Variants in DNAJB11 observed in about 807,000 individuals in gnomAD.
The protein encoded by DNAJB11 is DnaJ heat shock protein family (Hsp40) member B11, also known as dnaJ homolog subfamily B member 11.
A neutral mutation model predicts 47.2 loss-of-function variants in DNAJB11; 30 were observed. The observed-to-expected ratio is 0.64, with a 90% CI of 0.48 to 0.86. The LOEUF is 0.86. DNAJB11 is among the 40% of genes least tolerant of loss of function. DNAJB11 has a pLI of 0.00. For synonymous variants in DNAJB11, 151 were observed against 159.9 expected, an observed-to-expected ratio of 0.94 and a Z score of 0.42; for missense variants, 357 against 440.2, an observed-to-expected ratio of 0.81 and a Z score of 1.69.
At chr3:186,579,146 A>G (rs1421318144) in intron 4 of DNAJB11, 1 of 152,386 alleles carries the variant, frequency 6.6e-6, no homozygotes, top group East Asian at 1.9e-4. Context: ...ATTTTCTGCT[A>G]AAACTCTGGG....
chr3:186,570,973 A>G lies in DNAJB11; in HGVS notation c.68+8A>G. 1 of 1,455,010 alleles carries G rather than the reference A, an allele frequency of 6.9e-7. No individual in the cohort carries two copies. Among genetic ancestry groups the G allele is most frequent in the Non-Finnish European group, 9.2e-7 (1 of 1,083,006 alleles). 90.1% of individuals were successfully genotyped at this position (1,455,010 alleles called of 1,614,324 possible). On this transcript the variant is annotated splice_region_variant and intron_variant, in intron 1 of 9. Coordinates refer to ENST00000265028, the MANE Select transcript of DNAJB11 (RefSeq NM_016306.6). ...CGGGGCGGTGATTGCCGGGTGAGGA[A>G]CAGACACTCGCAGACAACGGGGCCT...
chr3:186,575,907 A>C lies in DNAJB11; in HGVS notation c.293A>C (p.His98Pro). The change falls in exon 3 of 10, where the codon CAT becomes CCT. Residue 98 changes from histidine (H) to proline (P), a missense_variant. His to Pro is a moderately conservative substitution (Grantham distance 77). Transcript: ENST00000265028. ...TYGEEGLKDG[H>P]QSSHGDIFSH... ...GGTGAAGAAGGATTAAAAGATGGTC[A>C]TCAGAGCTCCCATGGAGACATTTTT... 1 of 1,613,974 alleles carries C rather than the reference A, an allele frequency of 6.2e-7. No homozygotes were observed. Among genetic ancestry groups the C allele is most frequent in the South Asian group, 1.1e-5 (1 of 91,076 alleles).
chr3:186,583,916 C>A lies in DNAJB11; in HGVS notation c.792C>A (p.Ile264=), dbSNP rs766597436. 10 of 1,613,714 alleles carry A rather than the reference C, an allele frequency of 6.2e-6. No homozygotes were observed. Among genetic ancestry groups the A allele is most frequent in the Admixed American group, 5.0e-5 (3 of 60,000 alleles). ...RGDDLYTNVT[I]SLVESLVGFE... ...ATGATTTGTACACAAATGTGACAAT[C>A]TCATTAGTTGAGTCACTGGTTGGCT... is the stretch of plus-strand genomic sequence containing the variant. Residue 264 remains isoleucine, a synonymous_variant, in exon 8 of 10, where the codon ATC becomes ATA. Transcript: ENST00000265028.
chr3:186,583,998 T>C, intron 8 of DNAJB11, 22 bp downstream of exon 8: 1 of 1,545,358 alleles, frequency 6.5e-7, no homozygotes, highest in Non-Finnish European at 8.9e-7. Flanking sequence ...AATTTACTCG[T>C]TCTGCATCCT....
rs1715503388 is a variant in DNAJB11 at position 186,582,006 on chromosome 3, A to G, written c.611A>G (p.Glu204Gly). 6.2e-7 allele frequency: 1 copy of G among 1,613,554 alleles called. No homozygotes were observed. The highest frequency in any genetic ancestry group is 2.2e-5 in the East Asian group (1 of 44,856). The change falls in exon 6 of 10, where the codon GAA (glutamate) becomes GGA (glycine). Residue 204 changes from glutamate (E) to glycine (G), a missense_variant. Glu to Gly is a moderately conservative substitution (Grantham distance 98). Transcript: ENST00000265028. Reference protein sequence around the residue: ...DECPNVKLVNEERTLEVEIEP... With the variant: ...DECPNVKLVNGERTLEVEIEP... Reference sequence around the variant, plus strand: ...TCTCTTTACCTCAGACTAGTGAATGAAGAACGAACGCTGGAAGTAGAAATA... The same window carrying G: ...TCTCTTTACCTCAGACTAGTGAATGGAGAACGAACGCTGGAAGTAGAAATA...
At position 186,570,851 on chromosome 3, in the gene DNAJB11, A is replaced by G; in HGVS notation, c.-47A>G. The G allele has an allele frequency of 6.4e-7, 1 of 1,559,186 alleles. No homozygotes were observed. Among genetic ancestry groups the G allele is most frequent in the South Asian group, 1.2e-5 (1 of 85,080 alleles). On this transcript the variant is annotated 5_prime_UTR_variant, in exon 1 of 10. Transcript: ENST00000265028. ...GGCTGGCGAGCCGACGCGGCGGCGG[A>G]GGAGGCTGTGAGGAGTGTGTGGAAC... is the stretch of plus-strand genomic sequence containing the variant.
At chr3:186,571,448 G>C (rs148363713) in intron 1 of DNAJB11, among the ~76,000 whole-genome samples, 1 of 152,176 alleles carries the variant, frequency 6.6e-6, no homozygotes, top group African/African-American at 2.4e-5. Context: ...CCAAGCCTTC[G>C]AAGAGCCATT....
At position 186,585,602 on chromosome 3, in the gene DNAJB11, C is replaced by T. The variant is rs148968607; in HGVS notation, c.*194C>T. 2.4e-6 allele frequency: 1 copy of T among 408,740 alleles called. No homozygotes were observed. The highest frequency in any genetic ancestry group is 4.4e-5 in the East Asian group (1 of 22,646). 25.3% of individuals were successfully genotyped at this position (408,740 alleles called of 1,614,324 possible). A position where few individuals can be genotyped will look rare whatever the true frequency, so the allele number is the denominator to read the frequency against. On this transcript the variant is annotated 3_prime_UTR_variant, in exon 10 of 10. Coordinates refer to ENST00000265028, the MANE Select transcript of DNAJB11 (RefSeq NM_016306.6). ...TTTGCATTCGGAAAAGAATGACCAGCAAAAGGTTTACTAATACCTCTCCCT... is the reference window on the plus strand; with the variant it reads ...TTTGCATTCGGAAAAGAATGACCAGTAAAAGGTTTACTAATACCTCTCCCT...
At chr3:186,576,814 A>G (rs141662855) in intron 3 of DNAJB11, among the ~76,000 whole-genome samples, 265 of 152,274 alleles carry the variant, frequency 1.7e-3, no homozygotes, top group African/African-American at 6.1e-3. Context: ...AGGGAATACC[A>G]GAAAGAGAAA....
chr3:186,582,463 A>G (rs1336909514), intron 6 of DNAJB11, among the ~76,000 whole-genome samples: 1 of 152,190 alleles, frequency 6.6e-6, no homozygotes, highest in Non-Finnish European at 1.5e-5. Context: ...AAAAGCTTTA[A>G]GACTTAGGTT....
rs1019498920 is a variant in DNAJB11, at chr3:186,570,831, G to A, written c.-67G>A. On this transcript the variant is annotated 5_prime_UTR_variant, in exon 1 of 10. Coordinates refer to ENST00000265028, the MANE Select transcript of DNAJB11 (RefSeq NM_016306.6). ...CGGCCTCACAGGGCCGGGTGGGCTG[G>A]CGAGCCGACGCGGCGGCGGAGGAGG... 4.0e-6 allele frequency: 6 copies of A among 1,507,538 alleles called. No homozygotes were observed. The African/African-American group carries it at 8.4e-5, about 21-fold the overall frequency. 93.4% of individuals were successfully genotyped at this position (1,507,538 alleles called of 1,614,324 possible). A position where few individuals can be genotyped will look rare whatever the true frequency, so the allele number is the denominator to read the frequency against.
rs1396573685 is a variant in DNAJB11 at position 186,582,013 on chromosome 3, A to T, written c.618A>T (p.Arg206=). ...ACCTCAGACTAGTGAATGAAGAACG[A>T]ACGCTGGAAGTAGAAATAGAGCCTG... ...CPNVKLVNEE[R]TLEVEIEPGV... is the part of the protein sequence containing the mutation. Residue 206 remains arginine (R), a synonymous_variant, in exon 6 of 10, where the codon CGA becomes CGT. Transcript: ENST00000265028. 6.2e-7 allele frequency: 1 copy of T among 1,613,746 alleles called. No homozygotes were observed. Among genetic ancestry groups the T allele is most frequent in the Non-Finnish European group, 8.5e-7 (1 of 1,179,832 alleles).
At position 186,573,447 on chromosome 3, in the gene DNAJB11, C is replaced by T. The variant is rs577819743; in HGVS notation, c.225+1196C>T. Among the ~76,000 whole-genome samples, 109 of 152,040 alleles carry T rather than the reference C, an allele frequency of 7.2e-4. 1 individual carries two copies. The highest frequency in any genetic ancestry group is 2.5e-4 in the Non-Finnish European group (17 of 68,004). ...TCTGCCAAGCTGGAGTAGAGTGGCA[C>T]GATCTCGGCTCACTGCAAGCTCCGC... On this transcript the variant is annotated intron_variant, in intron 2 of 9. Transcript: ENST00000265028.
chr3:186,575,082 TTC>T (rs1560234899), intron 2 of DNAJB11, among the ~76,000 whole-genome samples: 1 of 152,216 alleles, frequency 6.6e-6, no homozygotes, highest in Non-Finnish European at 1.5e-5. Context: ...GTGTATGTAG[TTC>T]TCTGAAACTT....
At chr3:186,577,628 A>ATTTT in intron 3 of DNAJB11, 40 bp from the exon 4 acceptor site, 16 of 1,294,082 alleles carry the variant, frequency 1.2e-5, no homozygotes, top group South Asian at 6.7e-5. Context: ...TAGAGTCTTG[A>ATTTT]TTTTTTTTTT....
intron 5 of DNAJB11, 145 bp downstream of exon 5, chr3:186,581,658 AT>A (rs995944297): frequency 1.5e-4 from 149 of 974,780 alleles, no homozygotes; most frequent in Admixed American, 4.8e-4. Context: ...AACAATGTAC[AT>A]TTTTTTCTGA....
At chr3:186,580,209 CTT>C (rs1476667889) in intron 4 of DNAJB11, 2 of 152,142 alleles carry the variant, frequency 1.3e-5, no homozygotes, top group African/African-American at 4.8e-5. Flanking sequence ...CGAACAAACT[CTT>C]TTTTAATCCA....
At chr3:186,573,196 A>G (rs1370036392) in intron 2 of DNAJB11, among the ~76,000 whole-genome samples, 1 of 152,212 alleles carries the variant, frequency 6.6e-6, no homozygotes, top group Non-Finnish European at 1.5e-5. Flanking sequence ...AAATTCTTGT[A>G]TATTGAGAAG....
chr3:186,580,592 G>A (rs9840074), intron 4 of DNAJB11: 40,529 of 152,200 alleles, frequency 0.27, 6,814 homozygotes, highest in African/African-American at 0.47. Flanking sequence ...GCTATAAAAT[G>A]TTTGCTCTGA....
Sources: gnomAD v4.1 joint callset for allele counts (sites outside exome capture counted in the v4.1 genomes callset) on GRCh38, gnomAD v4.1.1 for gene constraint, MANE v1.5 for transcripts, NCBI Gene and HGNC (gene_info 2026-07-23, HGNC 2026-07-21) for gene names.